Variants in DENND2A observed in about 807,000 individuals in gnomAD.
The protein encoded by DENND2A is DENN domain containing 2A, also known as DENN domain-containing protein 2A.
DENND2A carries 53 observed loss-of-function variants against 105.3 expected under a neutral mutation model. The ratio of observed to expected loss-of-function variants is 0.50; its 90% CI spans 0.40 to 0.63. DENND2A has a LOEUF of 0.63. Ranked by LOEUF, DENND2A falls within the 30% of genes least tolerant of loss-of-function variation. DENND2A has a pLI of 0.00. For synonymous variants in DENND2A, 522 were observed against 508.4 expected (o/e 1.03, Z -0.36); for missense variants, 1,138 against 1,279.6 (o/e 0.89, Z 1.69).
chr7:140,549,039 G>A (rs901686479), intron 12 of DENND2A, among the ~76,000 whole-genome samples: 2 of 150,844 alleles, frequency 1.3e-5, no homozygotes, highest in Admixed American at 1.3e-4. Flanking sequence ...CCAACACGGT[G>A]AAACCCCATC....
At chr7:140,607,527 A>G (rs1799737343) in intron 1 of DENND2A, among the ~76,000 whole-genome samples, 1 of 152,104 alleles carries the variant, frequency 6.6e-6, no homozygotes, top group Non-Finnish European at 1.5e-5. Context: ...GGGCTTATCT[A>G]TGTTGTAACT....
intron 15 of DENND2A, 40 bp from the exon 16 acceptor site, chr7:140,525,832 G>A (rs1274304751): frequency 8.3e-6 from 13 of 1,563,510 alleles, no homozygotes; most frequent in Non-Finnish European, 1.1e-5. Context: ...TGTCACCAGG[G>A]CTTCTGGGAT....
intron 12 of DENND2A, among the ~76,000 whole-genome samples, chr7:140,553,080 A>G (rs965398496): frequency 1.3e-5 from 2 of 152,072 alleles, no homozygotes; most frequent in African/African-American, 4.8e-5. Context: ...AAGTATAGAG[A>G]AAGAAATAAG....
intron 9 of DENND2A, among the ~76,000 whole-genome samples, chr7:140,565,687 G>A (rs1327142569): frequency 6.6e-6 from 1 of 152,186 alleles, no homozygotes; most frequent in Non-Finnish European, 1.5e-5. Flanking sequence ...GAACCACAGC[G>A]AGTCCATCCT....
intron 5 of DENND2A, among the ~76,000 whole-genome samples, chr7:140,584,646 A>T (rs1438238966): frequency 6.6e-6 from 1 of 152,200 alleles, no homozygotes; most frequent in Non-Finnish European, 1.5e-5. Context: ...ATTCTGTAAA[A>T]AGAAGGTCAG....
At chr7:140,574,557 C>G (rs187436329) in intron 5 of DENND2A, among the ~76,000 whole-genome samples, 2 of 152,260 alleles carry the variant, frequency 1.3e-5, no homozygotes, top group Admixed American at 6.5e-5. Context: ...TCACCTGCCT[C>G]AATCCCAAGA....
chr7:140,591,322 AG>A (rs1654526021), intron 3 of DENND2A, among the ~76,000 whole-genome samples: 1 of 152,214 alleles, frequency 6.6e-6, no homozygotes, highest in Non-Finnish European at 1.5e-5. Flanking sequence ...TCAAAATAAA[AG>A]ATGGTTATTC....
chr7:140,618,246 T>A (rs1253086301), intron 1 of DENND2A, among the ~76,000 whole-genome samples: 1 of 152,190 alleles, frequency 6.6e-6, no homozygotes, highest in African/African-American at 2.4e-5. Context: ...GGTTTAATAG[T>A]CTGAATTCAG....
At chr7:140,569,875 T>C in intron 6 of DENND2A, 137 bp from the exon 7 acceptor site, 2 of 655,124 alleles carry the variant, frequency 3.1e-6, no homozygotes, top group East Asian at 2.6e-5. Context: ...CATGGGCTCA[T>C]GGGTGTCTTT....
intron 3 of DENND2A, among the ~76,000 whole-genome samples, chr7:140,589,861 T>C (rs1798938475): frequency 6.6e-6 from 1 of 152,198 alleles, no homozygotes; most frequent in Non-Finnish European, 1.5e-5. Flanking sequence ...ACTTCTGGGC[T>C]CAAGCGATCC....
At chr7:140,592,597 C>A (rs1366871265) in intron 3 of DENND2A, among the ~76,000 whole-genome samples, 1 of 148,252 alleles carries the variant, frequency 6.7e-6, no homozygotes, top group Non-Finnish European at 1.5e-5. Context: ...CGTGCCCTGC[C>A]CTTTTTTTTT....
At chr7:140,574,644 G>C (rs1011426677) in intron 5 of DENND2A, among the ~76,000 whole-genome samples, 6 of 152,242 alleles carry the variant, frequency 3.9e-5, no homozygotes, top group African/African-American at 1.4e-4. Context: ...CTTTGGCCTT[G>C]CTGCAGGATT....
At chr7:140,628,284 C>T (rs1326099366) in intron 1 of DENND2A, among the ~76,000 whole-genome samples, 3 of 152,198 alleles carry the variant, frequency 2.0e-5, no homozygotes, top group African/African-American at 7.2e-5. Flanking sequence ...CCCTTTGCAG[C>T]AGAAGTCAGG....
Position 140,523,979 on chromosome 7 carries a change from T to A in DENND2A, c.2548-555A>T, listed in dbSNP as rs1795954953. Among the ~76,000 whole-genome samples, 1 of 152,174 alleles carries A rather than the reference T, an allele frequency of 6.6e-6. No individual in the cohort carries two copies. Among genetic ancestry groups the A allele is most frequent in the South Asian group, 2.1e-4 (1 of 4,832 alleles). On this transcript the variant is annotated intron_variant, in intron 16 of 19. Transcript: ENST00000496613. The surrounding 1 kb of genome is among the most constrained non-coding windows in gnomAD (Gnocchi z 4.5). Reference sequence around the variant, plus strand: ...AAGCTACAATGGACTACAATTACCCTGTGAAAGGGCTTGGCACTGAGAGGA... The same window carrying A: ...AAGCTACAATGGACTACAATTACCCAGTGAAAGGGCTTGGCACTGAGAGGA...
At chr7:140,623,331 A>G (rs910297177) in intron 1 of DENND2A, among the ~76,000 whole-genome samples, 1 of 151,700 alleles carries the variant, frequency 6.6e-6, no homozygotes, top group Admixed American at 6.6e-5. Flanking sequence ...AAAAAAAAAA[A>G]AAAAGTCCCT....
intron 14 of DENND2A, among the ~76,000 whole-genome samples, chr7:140,536,472 G>A (rs1043928171): frequency 3.9e-5 from 6 of 151,998 alleles, no homozygotes; most frequent in African/African-American, 7.3e-5. Flanking sequence ...GGAGGGATTC[G>A]ACTCCAAGAG....
At chr7:140,551,666 G>T (rs1563134500) in intron 12 of DENND2A, among the ~76,000 whole-genome samples, 1 of 152,304 alleles carries the variant, frequency 6.6e-6, no homozygotes, top group East Asian at 1.9e-4. Flanking sequence ...AGCCTCTGTG[G>T]TTCACTAGAC....
At chr7:140,629,069 A>G (rs1030970965) in intron 1 of DENND2A, among the ~76,000 whole-genome samples, 4 of 152,200 alleles carry the variant, frequency 2.6e-5, no homozygotes, top group African/African-American at 9.6e-5. Flanking sequence ...GGTTCAGGGA[A>G]TGCCTGACAC....
intron 12 of DENND2A, among the ~76,000 whole-genome samples, chr7:140,554,377 C>T (rs947918792): frequency 2.0e-5 from 3 of 150,664 alleles, no homozygotes; most frequent in Non-Finnish European, 3.0e-5. Context: ...CGGTGGCTCA[C>T]GCCTATAATC....
Sources: gnomAD v4.1 joint callset for allele counts (sites outside exome capture counted in the v4.1 genomes callset) on GRCh38, gnomAD v4.1.1 for gene constraint, Gnocchi (gnomAD v3.1) non-coding constraint, MANE v1.5 for transcripts, NCBI Gene and HGNC (gene_info 2026-07-23, HGNC 2026-07-21) for gene names.